The following AGPS variants were observed in gnomAD, a reference collection of about 807,000 sequenced individuals.
AGPS encodes the protein alkylglycerone phosphate synthase, also known as alkyldihydroxyacetonephosphate synthase, peroxisomal.
In AGPS, 26 loss-of-function variants were observed where a neutral mutation model predicts 90.7. That is an observed-to-expected ratio of 0.29 (90% CI 0.21 to 0.40). AGPS has a LOEUF of 0.40. Ranked by LOEUF, AGPS falls within the 10% of genes least tolerant of loss-of-function variation. The pLI is 1.00. For missense variants in AGPS, 540 were observed against 816.1 expected (o/e 0.66, Z 4.12); for synonymous variants, 294 against 285.3 (o/e 1.03, Z -0.31).
At chr2:177,450,089 G>A (rs754731572) in intron 8 of AGPS, among the ~76,000 whole-genome samples, 11 of 151,948 alleles carry the variant, frequency 7.2e-5, no homozygotes, top group African/African-American at 1.2e-4. Context: ...CATCTACCTC[G>A]GCCTCCCAAA....
At chr2:177,493,468 C>CT (rs1317614271) in intron 12 of AGPS, among the ~76,000 whole-genome samples, 1 of 152,122 alleles carries the variant, frequency 6.6e-6, no homozygotes, top group Non-Finnish European at 1.5e-5. Flanking sequence ...TCAGAAAAGG[C>CT]TTTTATAAGA....
At chr2:177,418,863 T>G (rs1035035854) in intron 1 of AGPS, among the ~76,000 whole-genome samples, 1 of 151,868 alleles carries the variant, frequency 6.6e-6, no homozygotes, top group Non-Finnish European at 1.5e-5. Context: ...GTGATGTTTC[T>G]CCATAGAGAT....
At chr2:177,395,373 G>A (rs1375474649) in intron 1 of AGPS, among the ~76,000 whole-genome samples, 2 of 152,218 alleles carry the variant, frequency 1.3e-5, no homozygotes, top group African/African-American at 4.8e-5. Flanking sequence ...CCCATTTGTT[G>A]CATAGGTTAC....
intron 6 of AGPS, 66 bp from the exon 7 acceptor site, chr2:177,442,341 T>C: frequency 8.2e-7 from 1 of 1,224,716 alleles, no homozygotes; most frequent in Non-Finnish European, 1.2e-6. Flanking sequence ...ATGAGGGATT[T>C]GCCATAGAAA....
intron 1 of AGPS, among the ~76,000 whole-genome samples, chr2:177,402,004 A>G (rs917041735): frequency 6.6e-6 from 1 of 152,248 alleles, no homozygotes; most frequent in African/African-American, 2.4e-5. Context: ...CACTTGGGCT[A>G]TGTCAGTGAA....
At chr2:177,396,999 C>A (rs148590864) in intron 1 of AGPS, among the ~76,000 whole-genome samples, 46 of 146,210 alleles carry the variant, frequency 3.1e-4, no homozygotes, top group African/African-American at 1.1e-3. Context: ...AGTGAAGTGG[C>A]GCGATCTCAG....
chr2:177,496,868 G>C (rs1020683311), intron 12 of AGPS, among the ~76,000 whole-genome samples: 14 of 151,966 alleles, frequency 9.2e-5, no homozygotes, highest in Admixed American at 4.6e-4. Context: ...AACCTTAAAG[G>C]CTTTTTTAAA....
chr2:177,508,580 A>C (rs1688776857), intron 16 of AGPS, among the ~76,000 whole-genome samples: 1 of 152,180 alleles, frequency 6.6e-6, no homozygotes, highest in South Asian at 2.1e-4. Flanking sequence ...GATAGATGGA[A>C]ATAGATTTTA....
chr2:177,397,170 C>T (rs1685204730), intron 1 of AGPS, among the ~76,000 whole-genome samples: 2 of 152,102 alleles, frequency 1.3e-5, no homozygotes, highest in Admixed American at 1.3e-4. Context: ...AACCCCTGAC[C>T]TAGTGATCCA....
chr2:177,540,682 CA>C lies in AGPS; in HGVS notation c.*2492del, dbSNP rs2079226875. ...CATTTTTAATGTTTATTTTTAATTT[CA>C]AAAACTTGTTGCCTATTTGGTTTTC... On this transcript the variant is annotated 3_prime_UTR_variant, in exon 20 of 20. Transcript: ENST00000264167. The C allele has an allele frequency of 6.6e-6, 1 of 151,992 alleles. No homozygotes were observed. The highest frequency in any genetic ancestry group is 1.5e-5 in the Non-Finnish European group (1 of 67,926). The allele number at this position is 151,992 out of a possible 1,614,324, so 9.4% of individuals were successfully genotyped here.
intron 19 of AGPS, among the ~76,000 whole-genome samples, chr2:177,526,484 C>T (rs553077930): frequency 6.6e-6 from 1 of 152,218 alleles, no homozygotes; most frequent in South Asian, 2.1e-4. Flanking sequence ...CCCACCTCAG[C>T]CTCCCAAAGT....
intron 1 of AGPS, among the ~76,000 whole-genome samples, chr2:177,405,121 C>T (rs1685430215): frequency 1.3e-5 from 2 of 152,212 alleles, no homozygotes; most frequent in South Asian, 4.1e-4. Flanking sequence ...CTACTATTTG[C>T]TGCAGGCTTC....
chr2:177,421,765 C>T (rs532951710), intron 2 of AGPS, among the ~76,000 whole-genome samples: 93 of 152,186 alleles, frequency 6.1e-4, no homozygotes, highest in Non-Finnish European at 9.0e-4. Flanking sequence ...ATGTAGAGAT[C>T]GGCTTTTCAA....
At chr2:177,495,723 C>T (rs1170389017) in intron 12 of AGPS, among the ~76,000 whole-genome samples, 3 of 144,820 alleles carry the variant, frequency 2.1e-5, no homozygotes, top group African/African-American at 7.6e-5. Flanking sequence ...GCCTGGCCAA[C>T]ATGGTGAAAC....
intron 8 of AGPS, among the ~76,000 whole-genome samples, chr2:177,459,253 A>G (rs1198876553): frequency 2.0e-5 from 3 of 152,262 alleles, no homozygotes; most frequent in Non-Finnish European, 4.4e-5. Flanking sequence ...TTTAGGACAT[A>G]GGCATGGGCA....
intron 18 of AGPS, among the ~76,000 whole-genome samples, chr2:177,522,819 C>T (rs12615367): frequency 0.12 from 17,987 of 152,140 alleles, 1,333 homozygotes; most frequent in East Asian, 0.36. Flanking sequence ...CCCTCTCCTA[C>T]CCTGGCCTAA....
intron 9 of AGPS, among the ~76,000 whole-genome samples, chr2:177,464,822 A>G (rs1687400908): frequency 6.6e-6 from 1 of 152,238 alleles, no homozygotes; most frequent in African/African-American, 2.4e-5. Context: ...AGAAGGAAAA[A>G]CATTGAACTC....
At chr2:177,461,593 A>G (rs970198274) in intron 8 of AGPS, among the ~76,000 whole-genome samples, 2 of 152,224 alleles carry the variant, frequency 1.3e-5, no homozygotes, top group Non-Finnish European at 2.9e-5. Context: ...GTGGGGAAGG[A>G]CAGCTGGCCT....
chr2:177,536,199 A>C (rs1321402663), intron 19 of AGPS, among the ~76,000 whole-genome samples: 2 of 152,102 alleles, frequency 1.3e-5, no homozygotes, highest in Non-Finnish European at 2.9e-5. Context: ...CTGAGGTTCT[A>C]ATGTGCTCCA....
Sources: allele counts gnomAD v4.1 joint callset (sites outside exome capture counted in the v4.1 genomes callset), GRCh38; gene constraint gnomAD v4.1.1; transcripts MANE v1.5; gene names NCBI Gene and HGNC (gene_info 2026-07-23, HGNC 2026-07-21).